Variants in UNC45B observed in about 807,000 individuals in gnomAD.
The protein encoded by UNC45B is unc-45 myosin chaperone B.
UNC45B carries 78 observed loss-of-function variants against 98.7 expected under a neutral mutation model. The ratio of observed to expected loss-of-function variants is 0.79; its 90% CI spans 0.66 to 0.95. The LOEUF (loss-of-function observed/expected upper bound fraction) is 0.95. Ranked by LOEUF, UNC45B falls within the 40% of genes least tolerant of loss-of-function variation. The probability of loss-of-function intolerance (pLI) is 0.00; values close to 1 mark genes in which losing one functional copy is unlikely to be tolerated. For synonymous variants in UNC45B, 462 were observed against 480.4 expected (o/e 0.96, Z 0.50); for missense variants, 1,225 against 1,184.9 (o/e 1.03, Z -0.50).
At chr17:35,180,788 T>C in intron 18 of UNC45B, 112 bp downstream of exon 18, 1 of 700,032 alleles carries the variant, frequency 1.4e-6, no homozygotes, top group East Asian at 2.9e-5. Flanking sequence ...TAAGGTAGCA[T>C]TTTGGGCAGA....
At chr17:35,176,989 T>A in intron 15 of UNC45B, 28 bp from the exon 16 acceptor site, 1 of 1,582,340 alleles carries the variant, frequency 6.3e-7, no homozygotes, top group Non-Finnish European at 8.7e-7. Flanking sequence ...TGTCTGTGAC[T>A]AAGTAGTGAC....
Position 35,164,123 on chromosome 17 carries a change from C to T in UNC45B, c.1108C>T (p.Pro370Ser). The T allele has an allele frequency of 6.2e-7, 1 of 1,613,568 alleles. No homozygotes were observed. The highest frequency in any genetic ancestry group is 1.1e-5 in the South Asian group (1 of 91,016). Residue 370 changes from proline (P) to serine (S), a missense_variant, in exon 9 of 20, where the codon CCG becomes TCG. Coordinates refer to ENST00000394570, the MANE Select transcript of UNC45B (RefSeq NM_001267052.2). ...NKLYDDLRCD[P>S]ERDHFRKICE... ...GCTCTATGATGACCTGCGCTGTGAC[C>T]CGGAGCGCGATCACTTCCGCAAGAT...
At chr17:35,168,429 A>C in intron 10 of UNC45B, 68 bp downstream of exon 10, 1 of 1,266,398 alleles carries the variant, frequency 7.9e-7, no homozygotes, top group Non-Finnish European at 1.0e-6. Flanking sequence ...GGACACCAAA[A>C]TGAATGAGTT....
In UNC45B at chr17:35,177,531, GAC is replaced by G; in HGVS notation, c.2182_2183del (p.Gln728GlufsTer8). ...GGTGCGGCCCCTTGTAAGACTCTTG[GAC>G]ACACAGAGGGATGGGCTTCAGAACT... ...EVVRPLVRLL[D>X]TQRDGLQNYE... On this transcript the variant is annotated frameshift_variant, in exon 17 of 20. Coordinates refer to ENST00000394570, the MANE Select transcript of UNC45B (RefSeq NM_001267052.2). LOFTEE classifies it high-confidence loss of function. 6.4e-7 allele frequency: 1 copy of G among 1,567,486 alleles called. No homozygotes were observed. The highest frequency in any genetic ancestry group is 8.7e-7 in the Non-Finnish European group (1 of 1,155,132).
intron 4 of UNC45B, among the ~76,000 whole-genome samples, chr17:35,152,043 C>T (rs978632714): frequency 4.6e-5 from 7 of 152,124 alleles, no homozygotes; most frequent in Non-Finnish European, 8.8e-5. Flanking sequence ...ATCAGGAGTT[C>T]GAAACCAGCC....
chr17:35,154,747 T>G lies in UNC45B; in HGVS notation c.639+6T>G. ...GCAGCGGCCACCAAGCCAGAGTAAG[T>G]GCCCGGCTGTGGGGCATGTGGAGCA... is the stretch of plus-strand genomic sequence containing the variant. On this transcript the variant is annotated splice_donor_region_variant and intron_variant, in intron 6 of 19. Coordinates refer to ENST00000394570, the MANE Select transcript of UNC45B (RefSeq NM_001267052.2). 3 of 1,572,994 alleles carry G rather than the reference T, an allele frequency of 1.9e-6. No individual in the cohort carries two copies. Among genetic ancestry groups the G allele is most frequent in the Non-Finnish European group, 2.6e-6 (3 of 1,164,588 alleles).
At chr17:35,177,255 G>A in intron 16 of UNC45B, 125 bp downstream of exon 16, 1 of 906,022 alleles carries the variant, frequency 1.1e-6, no homozygotes, top group South Asian at 1.7e-5. Flanking sequence ...GGAGGGTGAT[G>A]CATGGAGGCA....
At chr17:35,180,536 C>T (rs374605640) in intron 17 of UNC45B, 23 bp from the exon 18 acceptor site, 2 of 1,600,540 alleles carry the variant, frequency 1.2e-6, no homozygotes, top group African/African-American at 2.7e-5. Flanking sequence ...AAGGGTCTTT[C>T]TTCCTCCACC....
At chr17:35,150,343 T>C (rs904333846) in intron 4 of UNC45B, 120 bp downstream of exon 4, 28 of 1,117,466 alleles carry the variant, frequency 2.5e-5, no homozygotes, top group East Asian at 7.9e-5. Flanking sequence ...CACTCTGAGA[T>C]AGAGACAGCA....
rs12450395 is a variant in UNC45B at position 35,176,117 on chromosome 17, C to T, written c.2025+83C>T. ...AAGAATTATGTACCCTCTGCCCCAA[C>T]TCGACCTCCTGGAATACGGCCACCA... On this transcript the variant is annotated intron_variant, in intron 15 of 19. Coordinates refer to ENST00000394570, the MANE Select transcript of UNC45B (RefSeq NM_001267052.2). 2,187 of 1,393,154 alleles carry T rather than the reference C, an allele frequency of 1.6e-3. 36 individuals carry two copies. In the Admixed American group the frequency reaches 0.035, roughly 22 times the overall value. 86.3% of individuals were successfully genotyped at this position (1,393,154 alleles called of 1,614,324 possible).
intron 9 of UNC45B, 78 bp downstream of exon 9, chr17:35,164,244 T>C (rs1025969212): frequency 1.4e-6 from 2 of 1,475,220 alleles, no homozygotes; most frequent in Non-Finnish European, 9.1e-7. Flanking sequence ...TCTCAAAATT[T>C]AGCAGCTCAA....
intron 19 of UNC45B, among the ~76,000 whole-genome samples, chr17:35,185,474 A>C (rs1441013573): frequency 6.6e-6 from 1 of 151,548 alleles, no homozygotes; most frequent in Non-Finnish European, 1.5e-5. Context: ...TGCCTGGCTA[A>C]TTTTTGTATT....
chr17:35,172,936 T>C (rs1253628165), intron 13 of UNC45B, among the ~76,000 whole-genome samples: 1 of 152,202 alleles, frequency 6.6e-6, no homozygotes, highest in African/African-American at 2.4e-5. Flanking sequence ...TATCAGCTCC[T>C]CAGGCTCTGT....
At position 35,186,626 on chromosome 17, in the gene UNC45B, C is replaced by G. The variant is rs551097676; in HGVS notation, c.*67C>G. The G allele has an allele frequency of 5.7e-6, 9 of 1,565,686 alleles. No homozygotes were observed. The Middle Eastern group carries it at 1.2e-3, about 208-fold the overall frequency. On this transcript the variant is annotated 3_prime_UTR_variant, in exon 20 of 20. Transcript: ENST00000394570. ...CAGAGTCCTGGGTTGGTTGGGTTCT[C>G]CTGAAGAGTCAGGTCATCTAGGGAT... is the stretch of plus-strand genomic sequence containing the variant.
chr17:35,158,979 T>C (rs1437983218), intron 7 of UNC45B, among the ~76,000 whole-genome samples: 2 of 152,232 alleles, frequency 1.3e-5, no homozygotes, highest in Non-Finnish European at 2.9e-5. Context: ...TGCCTGAATC[T>C]GTGGGGAGTG....
chr17:35,156,207 C>T (rs8070879), intron 7 of UNC45B, among the ~76,000 whole-genome samples: 1 of 152,034 alleles, frequency 6.6e-6, no homozygotes, highest in African/African-American at 2.4e-5. Flanking sequence ...GGGGAAATGG[C>T]GGGTTATTTT....
At chr17:35,150,950 T>C (rs533112224) in intron 4 of UNC45B, among the ~76,000 whole-genome samples, 41 of 152,236 alleles carry the variant, frequency 2.7e-4, no homozygotes, top group Admixed American at 2.7e-3. Context: ...TCTTGCTTTG[T>C]TGCCCAGGCT....
At position 35,183,417 on chromosome 17, in the gene UNC45B, C is replaced by T. The variant is rs1284300453; in HGVS notation, c.2374-10C>T. ...CAGTTTTCTCTGAGCCATGTTCCTG[C>T]CTCCCACAGGTACAGGAAAGGTTCT... On this transcript the variant is annotated splice_polypyrimidine_tract_variant and intron_variant, in intron 18 of 19. Coordinates refer to ENST00000394570, the MANE Select transcript of UNC45B (RefSeq NM_001267052.2). 13 of 1,536,998 alleles carry T rather than the reference C, an allele frequency of 8.5e-6. No homozygotes were observed. The highest frequency in any genetic ancestry group is 2.0e-5 in the Admixed American group (1 of 48,958).
At chr17:35,171,508 G>T (rs772048976) in intron 13 of UNC45B, 46 bp downstream of exon 13, 1 of 1,592,962 alleles carries the variant, frequency 6.3e-7, no homozygotes, top group South Asian at 1.1e-5. Context: ...GTGCCACTAG[G>T]CCTCCAAAGG....
Sources: allele counts gnomAD v4.1 joint callset (sites outside exome capture counted in the v4.1 genomes callset), GRCh38; gene constraint gnomAD v4.1.1; transcripts MANE v1.5; gene names NCBI Gene and HGNC (gene_info 2026-07-23, HGNC 2026-07-21).